The following ARHGAP32 variants were observed in gnomAD, a reference collection of about 807,000 sequenced individuals.
ARHGAP32 encodes Rho GTPase activating protein 32, also known as rho GTPase-activating protein 32.
ARHGAP32 carries 51 observed loss-of-function variants against 186.5 expected under a neutral mutation model. The observed-to-expected ratio is 0.27, with a 90% CI of 0.22 to 0.35. The LOEUF (loss-of-function observed/expected upper bound fraction) is 0.35. ARHGAP32 is among the 10% of genes least tolerant of loss of function. The probability of loss-of-function intolerance (pLI) is 1.00; values close to 1 mark genes in which losing one functional copy is unlikely to be tolerated. For missense variants in ARHGAP32, 2,186 were observed against 2,623.5 expected, an observed-to-expected ratio of 0.83 and a Z score of 3.64; for synonymous variants, 950 against 964.3, an observed-to-expected ratio of 0.99 and a Z score of 0.27.
At chr11:129,279,321 G>C in exon 1 of ARHGAP32, 1 of 144,034 alleles carries the variant, frequency 6.9e-6, no homozygotes, top group South Asian at 2.0e-4. Flanking sequence ...GGGCTCGGCC[G>C]GGCGTCCCCC....
chr11:128,979,480 T>C (rs555289589), intron 18 of ARHGAP32, among the ~76,000 whole-genome samples: 3 of 152,300 alleles, frequency 2.0e-5, no homozygotes, highest in East Asian at 3.9e-4. Context: ...TTTAACATTA[T>C]AAAACTATTA....
At chr11:129,234,004 TA>T (rs1213101556) in intron 1 of ARHGAP32, among the ~76,000 whole-genome samples, 1 of 152,072 alleles carries the variant, frequency 6.6e-6, no homozygotes, top group Non-Finnish European at 1.5e-5. Flanking sequence ...TATTTCATTT[TA>T]AAAAAACCTG....
Position 129,019,860 on chromosome 11 carries a change from C to A in ARHGAP32, c.1045+21068G>T, listed in dbSNP as rs1938522475. ...ATCCATCCAATCATGACATCATTGG[C>A]TAAGGTATGTGCTAGTGAAAAAGTA... On this transcript the variant is annotated intron_variant, in intron 11 of 22. Transcript: ENST00000682385. Among the ~76,000 whole-genome samples, 3 of 152,006 alleles carry A rather than the reference C, an allele frequency of 2.0e-5. No homozygotes were observed. In the South Asian group the frequency reaches 6.2e-4, roughly 32 times the overall value.
At chr11:129,243,840 T>A (rs1380922788) in intron 1 of ARHGAP32, among the ~76,000 whole-genome samples, 2 of 152,202 alleles carry the variant, frequency 1.3e-5, no homozygotes, top group Non-Finnish European at 2.9e-5. Flanking sequence ...AAGCCCAAAG[T>A]AACCCGCACT....
intron 12 of ARHGAP32, among the ~76,000 whole-genome samples, chr11:128,994,437 G>A (rs987057516): frequency 2.6e-5 from 4 of 152,088 alleles, no homozygotes; most frequent in East Asian, 1.9e-4. Context: ...TTACAGGCAT[G>A]AGCCACCCTG....
chr11:128,974,400 C>T lies in ARHGAP32; in HGVS notation c.2797G>A (p.Val933Met), dbSNP rs772781594. The T allele has an allele frequency of 3.1e-6, 5 of 1,613,988 alleles. No individual in the cohort carries two copies. The Admixed American group carries it at 8.3e-5, about 27-fold the overall frequency. Residue 933 changes from valine (V) to methionine (M), a missense_variant, in exon 21 of 23, where the codon GTG (valine) becomes ATG (methionine). Val to Met is a conservative substitution (Grantham distance 21). Around this residue, in one of 5 missense-constraint regions of ARHGAP32, gnomAD observed 1,502 missense variants for 1,570.0 expected, o/e 0.96. Transcript: ENST00000682385. ...EPISVTLPPR[V>M]SEVIGTVSNT... ...GAGACTGTACCAATGACTTCTGACA[C>T]CCGTGGTGGTAGGGTCACTGAAATT...
At chr11:129,198,113 A>G (rs893509337) in intron 1 of ARHGAP32, among the ~76,000 whole-genome samples, 19 of 152,212 alleles carry the variant, frequency 1.2e-4, no homozygotes, top group Non-Finnish European at 1.8e-4. Context: ...CACTAAACAC[A>G]TGTATTCAAA....
intron 1 of ARHGAP32, among the ~76,000 whole-genome samples, chr11:129,265,517 A>T (rs1292158267): frequency 6.6e-6 from 1 of 152,212 alleles, no homozygotes; most frequent in South Asian, 2.1e-4. Context: ...TGAGGAAAAC[A>T]CAGGCACTTG....
chr11:129,093,458 T>C (rs1459282408), intron 6 of ARHGAP32, among the ~76,000 whole-genome samples, 163 bp downstream of exon 6: 3 of 152,128 alleles, frequency 2.0e-5, no homozygotes, highest in Non-Finnish European at 2.9e-5. Flanking sequence ...TACCATTTAT[T>C]TTCTTACAAT....
At chr11:129,057,630 A>C (rs2135114902) in intron 10 of ARHGAP32, among the ~76,000 whole-genome samples, 1 of 151,632 alleles carries the variant, frequency 6.6e-6, no homozygotes, top group African/African-American at 2.4e-5. Context: ...CCCACGTCAT[A>C]TTCCAAAAGC....
In ARHGAP32 at chr11:129,172,883, A is replaced by G. The variant is rs190888007; in HGVS notation, c.117-8456T>C. ...TGGACACCCGAACATCACAATTAAA[A>G]GAGCTAAAGGCAAGAGCAAACTAAT... On this transcript the variant is annotated intron_variant, in intron 1 of 22. Coordinates refer to ENST00000682385, the MANE Select transcript of ARHGAP32 (RefSeq NM_001378024.1). Among the ~76,000 whole-genome samples the G allele has an allele frequency of 2.0e-5, 3 of 152,252 alleles. No individual in the cohort carries two copies. In the East Asian group the frequency reaches 5.8e-4, roughly 29 times the overall value.
At chr11:129,171,866 TC>T (rs1471066274) in intron 1 of ARHGAP32, among the ~76,000 whole-genome samples, 4 of 152,206 alleles carry the variant, frequency 2.6e-5, no homozygotes, top group African/African-American at 9.6e-5. Context: ...TTTGTAGTTC[TC>T]CTTGAAGAGG....
In ARHGAP32 at chr11:128,969,227, TA is replaced by T. The variant is rs1237184347; in HGVS notation, c.5985del (p.Lys1996AsnfsTer36). Reference sequence around the variant, plus strand: ...TTGAGGCTATGACTCCTCTCTGGTTTAGGGGGTGGGACGATTGACTGAGTGA... The same window carrying T: ...TTGAGGCTATGACTCCTCTCTGGTTTGGGGGTGGGACGATTGACTGAGTGA... ...EHLTQSIVPP[P>X]KPERSHSLKL... On this transcript the variant is annotated frameshift_variant, in exon 23 of 23. Transcript: ENST00000682385. LOFTEE classifies it high-confidence loss of function. This position sits in a 1 kb window ranked among gnomAD's most constrained non-coding sequence, Gnocchi z 4.8. 2 of 1,614,062 alleles carry T rather than the reference TA, an allele frequency of 1.2e-6. No homozygotes were observed. Among genetic ancestry groups the T allele is most frequent in the Admixed American group, 3.3e-5 (2 of 60,022 alleles).
intron 5 of ARHGAP32, among the ~76,000 whole-genome samples, chr11:129,118,396 T>A (rs975899463): frequency 1.3e-5 from 2 of 151,964 alleles, no homozygotes; most frequent in Non-Finnish European, 2.9e-5. Flanking sequence ...TAGAAATTAA[T>A]GGTATGAAAA....
chr11:129,257,078 C>A (rs1945264216), intron 1 of ARHGAP32, among the ~76,000 whole-genome samples: 1 of 152,084 alleles, frequency 6.6e-6, no homozygotes, highest in Admixed American at 6.6e-5. Context: ...GGAAGGGAAG[C>A]TAAGACATTG....
chr11:129,233,820 CATG>C (rs1433747872), intron 1 of ARHGAP32, among the ~76,000 whole-genome samples: 1 of 151,906 alleles, frequency 6.6e-6, no homozygotes, highest in Admixed American at 6.6e-5. Flanking sequence ...TTTAATATTA[CATG>C]ATAATATACA....
chr11:129,156,316 G>A (rs565877470), intron 2 of ARHGAP32, among the ~76,000 whole-genome samples: 50 of 152,300 alleles, frequency 3.3e-4, no homozygotes, highest in African/African-American at 1.2e-3. Flanking sequence ...CACCCCCAAG[G>A]AGCCCAGCAA....
chr11:129,225,844 C>T (rs1229532295), intron 1 of ARHGAP32, among the ~76,000 whole-genome samples: 1 of 151,982 alleles, frequency 6.6e-6, no homozygotes, highest in Non-Finnish European at 1.5e-5. Flanking sequence ...TAAATACGTT[C>T]AAAGAACTAA....
chr11:129,016,539 T>C (rs752278344), intron 11 of ARHGAP32, among the ~76,000 whole-genome samples: 3 of 152,242 alleles, frequency 2.0e-5, no homozygotes, highest in Non-Finnish European at 4.4e-5. Flanking sequence ...AGACTGATTC[T>C]ATCTTACGTG....
Sources: gnomAD v4.1 joint callset for allele counts (sites outside exome capture counted in the v4.1 genomes callset) on GRCh38, gnomAD v4.1.1 for gene constraint, gnomAD v4.1.1 regional missense constraint, Gnocchi (gnomAD v3.1) non-coding constraint, MANE v1.5 for transcripts, NCBI Gene and HGNC (gene_info 2026-07-23, HGNC 2026-07-21) for gene names.